Variants in NCAM2 observed in about 807,000 individuals in gnomAD.
The protein encoded by NCAM2 is neural cell adhesion molecule 2.
Under a neutral mutation model 98.1 loss-of-function variants are expected in NCAM2, and 30 were observed. That is an observed-to-expected ratio of 0.31 (90% CI 0.23 to 0.41). The LOEUF (loss-of-function observed/expected upper bound fraction) is 0.41. NCAM2 is among the 10% of genes least tolerant of loss of function. The probability of loss-of-function intolerance (pLI) is 1.00; values close to 1 mark genes in which losing one functional copy is unlikely to be tolerated. For missense variants in NCAM2, 867 were observed against 1,005.8 expected, an observed-to-expected ratio of 0.86 and a Z score of 1.87; for synonymous variants, 368 against 342.4, an observed-to-expected ratio of 1.07 and a Z score of -0.83.
At chr21:21,331,511 C>CTATATATATATATATATA (rs1400422948) in intron 6 of NCAM2, among the ~76,000 whole-genome samples, 1 of 6,564 alleles carries the variant, frequency 1.5e-4, no homozygotes. Flanking sequence ...TCTATACTCT[C>CTATATATATATATATATA]TCTCTCTATA....
intron 1 of NCAM2, among the ~76,000 whole-genome samples, chr21:21,151,704 T>A (rs908905463): frequency 6.6e-6 from 1 of 152,038 alleles, no homozygotes; most frequent in African/African-American, 2.4e-5. Context: ...TAAACTTGGG[T>A]CCTGATACTA....
intron 1 of NCAM2, among the ~76,000 whole-genome samples, chr21:21,177,741 C>T (rs1335304239): frequency 6.6e-6 from 1 of 151,304 alleles, no homozygotes; most frequent in Non-Finnish European, 1.5e-5. Context: ...CTCCCTCTCT[C>T]CCTCCTTTCC....
chr21:21,513,529 A>G (rs1212483109), intron 16 of NCAM2, among the ~76,000 whole-genome samples: 8 of 151,508 alleles, frequency 5.3e-5, no homozygotes, highest in Non-Finnish European at 1.2e-4. Flanking sequence ...ATTGACTTTT[A>G]GTTTATTGTT....
rs78598293 is a variant in NCAM2, at chr21:21,406,384, A to C, written c.1196-3890A>C. On this transcript the variant is annotated intron_variant, in intron 9 of 17. Transcript: ENST00000400546. ...AGACCACAATTGTGTTGAATGAAGA[A>C]CTTGGTCAGATAGCAAGAGTGATCA... is the stretch of plus-strand genomic sequence containing the variant. Among the ~76,000 whole-genome samples, 1,304 of 152,296 alleles carry C rather than the reference A, an allele frequency of 8.6e-3. 11 individuals carry two copies. Among genetic ancestry groups the C allele is most frequent in the Non-Finnish European group, 0.014 (934 of 68,026 alleles).
chr21:21,313,334 T>C (rs1272891228), intron 5 of NCAM2, among the ~76,000 whole-genome samples: 1 of 151,984 alleles, frequency 6.6e-6, no homozygotes, highest in Non-Finnish European at 1.5e-5. Flanking sequence ...TGTTCCAATT[T>C]TTTTTGTCTG....
At chr21:21,459,712 G>A (rs773872144) in intron 12 of NCAM2, among the ~76,000 whole-genome samples, 6 of 151,584 alleles carry the variant, frequency 4.0e-5, no homozygotes, top group African/African-American at 7.3e-5. Flanking sequence ...TAAAATGGTG[G>A]TTGCCAGGAG....
intron 16 of NCAM2, among the ~76,000 whole-genome samples, chr21:21,515,433 C>G (rs2146372830): frequency 6.6e-6 from 1 of 152,190 alleles, no homozygotes; most frequent in South Asian, 2.1e-4. Context: ...TACCTATAAC[C>G]ACTTGTCTTA....
intron 1 of NCAM2, among the ~76,000 whole-genome samples, chr21:21,246,551 G>A (rs1025382992): frequency 6.6e-6 from 1 of 152,136 alleles, no homozygotes; most frequent in Non-Finnish European, 1.5e-5. Flanking sequence ...AGTGATAGTT[G>A]TTATTTTATG....
At chr21:21,482,976 T>C (rs566802314) in intron 15 of NCAM2, among the ~76,000 whole-genome samples, 2 of 152,000 alleles carry the variant, frequency 1.3e-5, no homozygotes, top group Non-Finnish European at 2.9e-5. Flanking sequence ...ACTATGGATT[T>C]CAAGGCTGAT....
chr21:21,154,656 A>G (rs1446358607), intron 1 of NCAM2, among the ~76,000 whole-genome samples: 2 of 151,904 alleles, frequency 1.3e-5, no homozygotes, highest in Non-Finnish European at 2.9e-5. Context: ...TCATCTGTGT[A>G]TATTTGCCAT....
chr21:21,210,424 A>T lies in NCAM2; in HGVS notation c.56-70154A>T, dbSNP rs1032078843. On this transcript the variant is annotated intron_variant, in intron 1 of 17. Transcript: ENST00000400546. ...ATTTAACAATTTTCAAAATACTGAG[A>T]TATTTAAGAGCACCAGGACACTCCA... The T allele has an allele frequency of 3.8e-5, 29 of 760,714 alleles. No homozygotes were observed. In the East Asian group the frequency reaches 2.8e-3, roughly 74 times the overall value. The allele number at this position is 760,714 out of a possible 1,614,324, so 47.1% of individuals were successfully genotyped here.
In NCAM2 at chr21:21,323,777, T is replaced by C. The variant is rs139938480; in HGVS notation, c.620-606T>C. On this transcript the variant is annotated intron_variant, in intron 5 of 17. Coordinates refer to ENST00000400546, the MANE Select transcript of NCAM2 (RefSeq NM_004540.5). ...CTATTTCCATTCTCTGTATGGCTTATGCAGTTTCTCTTCATAAAATGTTCT... is the reference window on the plus strand; with the variant it reads ...CTATTTCCATTCTCTGTATGGCTTACGCAGTTTCTCTTCATAAAATGTTCT... Among the ~76,000 whole-genome samples the C allele has an allele frequency of 2.6e-5, 4 of 152,328 alleles. No homozygotes were observed. In the East Asian group the frequency reaches 5.8e-4, roughly 22 times the overall value.
chr21:21,274,056 T>C (rs2072628043), intron 1 of NCAM2, among the ~76,000 whole-genome samples: 1 of 84 alleles, frequency 0.012, no homozygotes, highest in African/African-American at 0.05. Context: ...TCCCAGCTAC[T>C]TGGGAGGCTT....
At chr21:21,455,251 G>A (rs997096317) in intron 12 of NCAM2, among the ~76,000 whole-genome samples, 7 of 131,708 alleles carry the variant, frequency 5.3e-5, no homozygotes, top group African/African-American at 2.0e-4. Flanking sequence ...TGTCCTGTTT[G>A]ATGACTCAAT....
chr21:21,498,529 T>A (rs1569120588), intron 15 of NCAM2, among the ~76,000 whole-genome samples: 1 of 152,186 alleles, frequency 6.6e-6, no homozygotes, highest in Non-Finnish European at 1.5e-5. Context: ...ATTCAATTAT[T>A]TCTGTAAGCA....
intron 1 of NCAM2, among the ~76,000 whole-genome samples, chr21:21,199,516 G>C (rs1285215189): frequency 1.3e-5 from 2 of 152,140 alleles, no homozygotes. Context: ...CTCCTGTCTA[G>C]GGTCTTCCTC....
At chr21:21,526,214 T>G (rs1313311609) in intron 16 of NCAM2, among the ~76,000 whole-genome samples, 2 of 152,048 alleles carry the variant, frequency 1.3e-5, no homozygotes, top group African/African-American at 4.8e-5. Context: ...GATGACATGA[T>G]AGTCTATGAA....
chr21:21,024,990 T>C (rs1351834711), intron 1 of NCAM2, among the ~76,000 whole-genome samples: 2 of 152,238 alleles, frequency 1.3e-5, no homozygotes, highest in African/African-American at 2.4e-5. Context: ...CTTTAAAAGT[T>C]ATTTTGAATG....
intron 12 of NCAM2, among the ~76,000 whole-genome samples, chr21:21,456,083 C>A (rs1423225083): frequency 6.6e-6 from 1 of 152,050 alleles, no homozygotes; most frequent in Non-Finnish European, 1.5e-5. Flanking sequence ...AACAAGGCCT[C>A]TGGGCTTTCT....
Sources: allele counts gnomAD v4.1 joint callset (sites outside exome capture counted in the v4.1 genomes callset), GRCh38; gene constraint gnomAD v4.1.1; transcripts MANE v1.5; gene names NCBI Gene and HGNC (gene_info 2026-07-23, HGNC 2026-07-21).